The following NPAS3 variants were observed in gnomAD, a reference collection of about 807,000 sequenced individuals.
The protein encoded by NPAS3 is neuronal PAS domain-containing protein 3.
In NPAS3, 14 loss-of-function variants were observed where a neutral mutation model predicts 73.1. The ratio of observed to expected loss-of-function variants is 0.19; its 90% CI spans 0.13 to 0.30. The LOEUF is 0.30. NPAS3 is among the 10% of genes least tolerant of loss of function. The pLI is 1.00. For missense variants in NPAS3, 1,096 were observed against 1,250.0 expected (o/e 0.88, Z 1.86); for synonymous variants, 620 against 541.5 (o/e 1.14, Z -2.01).
chr14:33,475,132 C>T (rs1024403668), intron 4 of NPAS3, among the ~76,000 whole-genome samples: 13 of 151,748 alleles, frequency 8.6e-5, no homozygotes, highest in African/African-American at 3.1e-4. Context: ...CAGTTCAGGA[C>T]ATATCGAGTC....
At chr14:33,625,269 C>T (rs2058187868) in intron 5 of NPAS3, among the ~76,000 whole-genome samples, 1 of 152,180 alleles carries the variant, frequency 6.6e-6, no homozygotes, top group Non-Finnish European at 1.5e-5. Context: ...ACATCCACAG[C>T]TTATTTTAAA....
chr14:33,180,437 C>T (rs1371646817), intron 2 of NPAS3, among the ~76,000 whole-genome samples: 1 of 152,040 alleles, frequency 6.6e-6, no homozygotes, highest in Non-Finnish European at 1.5e-5. Context: ...GTGGTTAATC[C>T]TTGTAGTTAA....
chr14:33,575,161 A>G (rs920031019), intron 5 of NPAS3, among the ~76,000 whole-genome samples: 1 of 152,214 alleles, frequency 6.6e-6, no homozygotes, highest in African/African-American at 2.4e-5. Flanking sequence ...GTAGACCAAC[A>G]TATCATGCAA....
At chr14:33,383,324 T>G (rs1257755232) in intron 4 of NPAS3, among the ~76,000 whole-genome samples, 1 of 152,130 alleles carries the variant, frequency 6.6e-6, no homozygotes, top group Non-Finnish European at 1.5e-5. Flanking sequence ...GTGCAGATAA[T>G]GCATATAACT....
At chr14:33,033,570 C>G (rs1160065002) in intron 1 of NPAS3, among the ~76,000 whole-genome samples, 1 of 152,122 alleles carries the variant, frequency 6.6e-6, no homozygotes, top group African/African-American at 2.4e-5. Context: ...CAGTTAATGT[C>G]TATCACCTAT....
intron 1 of NPAS3, among the ~76,000 whole-genome samples, chr14:32,947,878 G>C (rs17099738): frequency 0.015 from 2,239 of 152,012 alleles, 55 homozygotes; most frequent in African/African-American, 0.05. Flanking sequence ...AATTTGCTTG[G>C]ATTATCTTGT....
chr14:33,382,246 A>T (rs926974385), intron 4 of NPAS3, among the ~76,000 whole-genome samples: 1 of 152,180 alleles, frequency 6.6e-6, no homozygotes, highest in African/African-American at 2.4e-5. Flanking sequence ...CATTGAAAAA[A>T]AAAATCCAGG....
intron 4 of NPAS3, among the ~76,000 whole-genome samples, chr14:33,525,126 G>A (rs2053740506): frequency 6.6e-6 from 1 of 152,056 alleles, no homozygotes; most frequent in Non-Finnish European, 1.5e-5. Flanking sequence ...TATTCATAAT[G>A]TAGAAAAATG....
intron 2 of NPAS3, among the ~76,000 whole-genome samples, chr14:33,173,433 T>C (rs961880382): frequency 1.3e-5 from 2 of 152,158 alleles, no homozygotes; most frequent in Non-Finnish European, 2.9e-5. Context: ...GGTTCTGAAT[T>C]ATATATAGCA....
intron 4 of NPAS3, among the ~76,000 whole-genome samples, chr14:33,380,045 A>G (rs540689724): frequency 4.4e-4 from 41 of 93,488 alleles, no homozygotes; most frequent in Admixed American, 1.5e-3. Context: ...AGTGGGGGGG[A>G]AAAAGAAAAT....
intron 5 of NPAS3, among the ~76,000 whole-genome samples, chr14:33,661,349 T>C (rs774476596): frequency 2.6e-5 from 4 of 152,200 alleles, no homozygotes; most frequent in Non-Finnish European, 4.4e-5. Flanking sequence ...GAAGTTATTA[T>C]TGAGTGACCT....
chr14:33,106,673 A>C (rs1281988195), intron 2 of NPAS3, among the ~76,000 whole-genome samples: 1 of 152,156 alleles, frequency 6.6e-6, no homozygotes, highest in African/African-American at 2.4e-5. Context: ...ATAATCTATA[A>C]TTTTAAAAGA....
At chr14:33,068,128 G>A (rs1192819329) in intron 2 of NPAS3, among the ~76,000 whole-genome samples, 1 of 152,040 alleles carries the variant, frequency 6.6e-6, no homozygotes, top group African/African-American at 2.4e-5. Flanking sequence ...TTCCTTTCTG[G>A]GCTGCTTCAT....
At chr14:33,545,984 T>C (rs1285984127) in intron 4 of NPAS3, among the ~76,000 whole-genome samples, 4 of 152,180 alleles carry the variant, frequency 2.6e-5, no homozygotes, top group African/African-American at 9.7e-5. Flanking sequence ...TCAGAAGTAG[T>C]TCATCTGCCT....
At chr14:33,408,052 AAAT>A (rs1377282574) in intron 4 of NPAS3, among the ~76,000 whole-genome samples, 2 of 152,180 alleles carry the variant, frequency 1.3e-5, no homozygotes, top group African/African-American at 2.4e-5. Context: ...AGCAGACAGA[AAAT>A]ATGAAATGTC....
At chr14:33,468,853 G>C (rs76367946) in intron 4 of NPAS3, among the ~76,000 whole-genome samples, 3,730 of 152,258 alleles carry the variant, frequency 0.024, 77 homozygotes, top group Middle Eastern at 0.061. Flanking sequence ...TCTTTAAAGG[G>C]AGTCTTGCCT....
At chr14:33,290,943 G>A (rs2042075471) in intron 3 of NPAS3, among the ~76,000 whole-genome samples, 1 of 152,002 alleles carries the variant, frequency 6.6e-6, no homozygotes, top group African/African-American at 2.4e-5. Context: ...GGATTAGAAG[G>A]GGCTGCTTGG....
intron 3 of NPAS3, among the ~76,000 whole-genome samples, chr14:33,255,506 G>A (rs1266828893): frequency 6.6e-6 from 1 of 152,156 alleles, no homozygotes; most frequent in Admixed American, 6.5e-5. Flanking sequence ...GAGAGACCCT[G>A]TGAAACCACT....
chr14:32,949,018 T>G (rs1044668715), intron 1 of NPAS3, among the ~76,000 whole-genome samples: 1 of 152,106 alleles, frequency 6.6e-6, no homozygotes, highest in African/African-American at 2.4e-5. Context: ...GAACTTTAGT[T>G]TCTTTGAAAA....
Sources: allele counts gnomAD v4.1 joint callset (sites outside exome capture counted in the v4.1 genomes callset), GRCh38; gene constraint gnomAD v4.1.1; transcripts MANE v1.5; gene names NCBI Gene and HGNC (gene_info 2026-07-23, HGNC 2026-07-21).